Variants in NFIB observed in about 807,000 individuals in gnomAD.
NFIB encodes the protein nuclear factor I B, also known as nuclear factor 1 B-type.
A neutral mutation model predicts 61.5 loss-of-function variants in NFIB; 11 were observed. That is an observed-to-expected ratio of 0.18 (90% CI 0.11 to 0.30). The LOEUF is 0.30. Ranked by LOEUF, NFIB falls within the 10% of genes least tolerant of loss-of-function variation. The probability of loss-of-function intolerance (pLI) is 1.00; values close to 1 mark genes in which losing one functional copy is unlikely to be tolerated. For synonymous variants in NFIB, 260 were observed against 216.5 expected (o/e 1.20, Z -1.76); for missense variants, 471 against 608.9 (o/e 0.77, Z 2.38).
chr9:14,265,741 T>A (rs185742373), intron 2 of NFIB, among the ~76,000 whole-genome samples: 1 of 152,198 alleles, frequency 6.6e-6, no homozygotes, highest in African/African-American at 2.4e-5. Flanking sequence ...GTATTGAGCA[T>A]CACCTATGCA....
intron 2 of NFIB, among the ~76,000 whole-genome samples, chr9:14,193,055 T>C (rs539762944): frequency 6.6e-6 from 1 of 151,964 alleles, no homozygotes; most frequent in Non-Finnish European, 1.5e-5. Context: ...ACTGCCACCA[T>C]TCAGTACTAA....
chr9:14,512,494 T>C, the NFIB span, among the ~76,000 whole-genome samples: 1 of 152,198 alleles, frequency 6.6e-6, no homozygotes, highest in Non-Finnish European at 1.5e-5. Flanking sequence ...TGTTGGCATA[T>C]AACTAGATGA....
chr9:14,451,809 T>C, the NFIB span, among the ~76,000 whole-genome samples: 1 of 152,174 alleles, frequency 6.6e-6, no homozygotes, highest in East Asian at 1.9e-4. Context: ...GTTCTTAATG[T>C]TTTGATTTGA....
chr9:14,163,424 G>C (rs1056381113), intron 3 of NFIB, among the ~76,000 whole-genome samples: 1 of 151,686 alleles, frequency 6.6e-6, no homozygotes, highest in African/African-American at 2.4e-5. Context: ...TGATAATAAA[G>C]AGAACAAAAA....
At chr9:14,159,714 A>C (rs2043920785) in intron 3 of NFIB, among the ~76,000 whole-genome samples, 1 of 152,232 alleles carries the variant, frequency 6.6e-6, no homozygotes, top group African/African-American at 2.4e-5. Flanking sequence ...ATTAGCATAC[A>C]GAAGACAATA....
intron 2 of NFIB, among the ~76,000 whole-genome samples, chr9:14,220,458 T>G (rs2051501139): frequency 6.6e-6 from 1 of 152,174 alleles, no homozygotes; most frequent in Admixed American, 6.5e-5. Context: ...AGAGGCATCT[T>G]TACCACAAGG....
rs578090770 is a variant in NFIB, at chr9:14,132,426, G to A, written c.926-6660C>T. On this transcript the variant is annotated intron_variant, in intron 6 of 10. Transcript: ENST00000380953. ...ATTTAACGTTAAGGTTTGTTTTATT[G>A]CTAAGTGCTTATAAAGCTATAATCA... Among the ~76,000 whole-genome samples the A allele has an allele frequency of 4.1e-4, 63 of 151,974 alleles. No individual in the cohort carries two copies. The South Asian group carries it at 0.012, about 29-fold the overall frequency.
chr9:14,353,853 CTT>C (rs59303621), intron 1 of NFIB, among the ~76,000 whole-genome samples: 14,917 of 118,532 alleles, frequency 0.13, 764 homozygotes, highest in South Asian at 0.18. Context: ...GGGGTTTTGT[CTT>C]TTTTTTTTTT....
At chr9:14,475,301 T>C in the NFIB span, among the ~76,000 whole-genome samples, 5 of 152,190 alleles carry the variant, frequency 3.3e-5, no homozygotes, top group Non-Finnish European at 5.9e-5. Context: ...CTCCAGAGTT[T>C]TGCTTCTCAA....
chr9:14,218,015 C>G (rs2051154367), intron 2 of NFIB, among the ~76,000 whole-genome samples: 1 of 152,132 alleles, frequency 6.6e-6, no homozygotes, highest in South Asian at 2.1e-4. Context: ...CTTTCCATCC[C>G]AGGCTCAGTT....
chr9:14,313,588 TAC>T lies in NFIB; in HGVS notation c.-79_-78del, dbSNP rs2060394818. On this transcript the variant is annotated 5_prime_UTR_variant, in exon 1 of 11. The change abolishes the stop of an existing upstream ORF in the 5' untranslated region. Transcript: ENST00000380953. This position sits in a 1 kb window ranked among gnomAD's most constrained non-coding sequence, Gnocchi z 4.5. ...AAGCAAGAATTTCATCTATTCATTTTACAGTCATCTGAGCCCCGCGATGCGAT... is the reference window on the plus strand; with the variant it reads ...AAGCAAGAATTTCATCTATTCATTTTAGTCATCTGAGCCCCGCGATGCGAT... 2.1e-5 allele frequency: 34 copies of T among 1,610,042 alleles called. No individual in the cohort carries two copies. In the South Asian group the frequency reaches 3.4e-4, roughly 16 times the overall value.
chr9:14,127,878 T>G (rs2039876702), intron 6 of NFIB, among the ~76,000 whole-genome samples: 1 of 151,020 alleles, frequency 6.6e-6, no homozygotes, highest in African/African-American at 2.4e-5. Context: ...AACTGGCTGT[T>G]GTGAATCTAT....
chr9:14,096,541 G>A (rs573701900), intron 10 of NFIB: 16 of 152,216 alleles, frequency 1.1e-4, no homozygotes, highest in African/African-American at 3.9e-4. Context: ...CTCCCATAAA[G>A]GTTAACTTAA....
At chr9:14,280,709 G>T (rs1350681751) in intron 2 of NFIB, among the ~76,000 whole-genome samples, 2 of 152,098 alleles carry the variant, frequency 1.3e-5, no homozygotes, top group Non-Finnish European at 2.9e-5. Flanking sequence ...GGGTGCATAG[G>T]AGGTGTCTGT....
chr9:14,514,908 G>A, the NFIB span, among the ~76,000 whole-genome samples: 3 of 152,140 alleles, frequency 2.0e-5, no homozygotes, highest in Non-Finnish European at 2.9e-5. Flanking sequence ...ACTCTAGTAT[G>A]TAGCCATAGT....
At chr9:14,327,103 ATT>A (rs5896626) in intron 1 of NFIB, among the ~76,000 whole-genome samples, 15 of 151,542 alleles carry the variant, frequency 9.9e-5, no homozygotes, top group East Asian at 5.8e-4. Flanking sequence ...TTACTAAGGT[ATT>A]TTTTTTTTAA....
chr9:14,259,824 G>A (rs78721276), intron 2 of NFIB, among the ~76,000 whole-genome samples: 9,047 of 152,252 alleles, frequency 0.059, 492 homozygotes, highest in East Asian at 0.24. Context: ...AGAATCGCTT[G>A]AACCTGGGAG....
intron 2 of NFIB, among the ~76,000 whole-genome samples, chr9:14,202,316 C>G (rs1475959727): frequency 6.6e-6 from 1 of 152,126 alleles, no homozygotes; most frequent in Non-Finnish European, 1.5e-5. Flanking sequence ...GCTATTGCAG[C>G]ATGAAATAAT....
chr9:14,344,661 T>A (rs538246578), intron 1 of NFIB, among the ~76,000 whole-genome samples: 3 of 152,174 alleles, frequency 2.0e-5, no homozygotes, highest in African/African-American at 7.2e-5. Context: ...GTGTTTATAC[T>A]GTTTTGTGTG....
Sources: allele counts gnomAD v4.1 joint callset (sites outside exome capture counted in the v4.1 genomes callset), GRCh38; gene constraint gnomAD v4.1.1; non-coding constraint Gnocchi (gnomAD v3.1); transcripts MANE v1.5; gene names NCBI Gene and HGNC (gene_info 2026-07-23, HGNC 2026-07-21).